TFEB: variants seen among roughly 807,000 people sequenced by gnomAD.
The protein encoded by TFEB is transcription factor EB.
In TFEB, 12 loss-of-function variants were observed where a neutral mutation model predicts 48.0. The ratio of observed to expected loss-of-function variants is 0.25; its 90% CI spans 0.16 to 0.40. TFEB has a LOEUF of 0.40. TFEB is among the 10% of genes least tolerant of loss of function. TFEB has a pLI of 1.00. For synonymous variants in TFEB, 244 were observed against 261.4 expected (o/e 0.93, Z 0.64); for missense variants, 509 against 640.3 (o/e 0.79, Z 2.21).
chr6:41,687,743 C>T lies in TFEB; in HGVS notation c.727+10G>A. 1 of 1,613,992 alleles carries T rather than the reference C, an allele frequency of 6.2e-7. No individual in the cohort carries two copies. The highest frequency in any genetic ancestry group is 8.5e-7 in the Non-Finnish European group (1 of 1,179,958). On this transcript the variant is annotated intron_variant, in intron 6 of 8. Coordinates refer to ENST00000373033, the MANE Select transcript of TFEB (RefSeq NM_001271944.2). Reference sequence around the variant, plus strand: ...GAGGGAGGCAGGGAGAGGGGCGGGGCAGGACTCACTTAAGTTGTGATTGTC... The same window carrying T: ...GAGGGAGGCAGGGAGAGGGGCGGGGTAGGACTCACTTAAGTTGTGATTGTC...
At chr6:41,701,489 T>C (rs1169252250) in intron 1 of TFEB, among the ~76,000 whole-genome samples, 1 of 152,244 alleles carries the variant, frequency 6.6e-6, no homozygotes, top group South Asian at 2.1e-4. Context: ...CAAGGGCTGC[T>C]GGTCCAGTGA....
Position 41,734,082 on chromosome 6 carries a change from A to C in TFEB, c.-23+1268T>G, listed in dbSNP as rs1192920868. ...AGAGGATGGGAGCTGGGCAGTAATT[A>C]ACCTGCACTTCCCCAGCGAGCTCTA... On this transcript the variant is annotated intron_variant, in intron 1 of 8. Coordinates refer to ENST00000373033, the MANE Select transcript of TFEB (RefSeq NM_001271944.2). The surrounding 1 kb of genome is among the most constrained non-coding windows in gnomAD (Gnocchi z 4.0). 5.6e-6 allele frequency: 1 copy of C among 177,376 alleles called. No homozygotes were observed. Among genetic ancestry groups the C allele is most frequent in the Non-Finnish European group, 1.1e-5 (1 of 91,166 alleles). 11.0% of individuals were successfully genotyped at this position (177,376 alleles called of 1,614,324 possible).
chr6:41,689,052 T>G (rs1343341845), intron 4 of TFEB, among the ~76,000 whole-genome samples: 3 of 152,224 alleles, frequency 2.0e-5, no homozygotes, highest in Non-Finnish European at 4.4e-5. Flanking sequence ...TCATCTAATC[T>G]TCCCACAATC....
intron 1 of TFEB, among the ~76,000 whole-genome samples, chr6:41,731,919 G>A (rs1771466728): frequency 6.6e-6 from 1 of 152,256 alleles, no homozygotes; most frequent in South Asian, 2.1e-4. Context: ...GGCCAGTCAA[G>A]ACAGGTTCCA....
intron 6 of TFEB, 103 bp downstream of exon 6, chr6:41,687,650 G>T: frequency 6.8e-7 from 1 of 1,460,712 alleles, no homozygotes; most frequent in Non-Finnish European, 9.5e-7. Flanking sequence ...TTGGCCTTGA[G>T]CAGGGAAGCC....
rs573623654 is a variant in TFEB at position 41,696,796 on chromosome 6, G to A, written c.-22-5561C>T. Among the ~76,000 whole-genome samples, 5 of 152,322 alleles carry A rather than the reference G, an allele frequency of 3.3e-5. No individual in the cohort carries two copies. The East Asian group carries it at 9.6e-4, about 29-fold the overall frequency. ...ATGCACTGTTGTTACACATGACATA[G>A]ATGACTCTCGCAGACATAATGTTAA... On this transcript the variant is annotated intron_variant, in intron 1 of 8. Coordinates refer to ENST00000373033, the MANE Select transcript of TFEB (RefSeq NM_001271944.2).
At position 41,723,510 on chromosome 6, in the gene TFEB, T is replaced by C. The variant is rs1276002675; in HGVS notation, c.-23+11840A>G. On this transcript the variant is annotated intron_variant, in intron 1 of 8. Coordinates refer to ENST00000373033, the MANE Select transcript of TFEB (RefSeq NM_001271944.2). The surrounding 1 kb of genome is among the most constrained non-coding windows in gnomAD (Gnocchi z 6.0). ...GGAGGCCCCTGGAATGCTCAGCTCC[T>C]CCAGGGGCCGGAGCCCAGGGCCGCA... 22 of 1,288,626 alleles carry C rather than the reference T, an allele frequency of 1.7e-5. No homozygotes were observed. The Admixed American group carries it at 4.6e-4, about 27-fold the overall frequency. The allele number at this position is 1,288,626 out of a possible 1,614,324, so 79.8% of individuals were successfully genotyped here. A position where few individuals can be genotyped will look rare whatever the true frequency, so the allele number is the denominator to read the frequency against.
Position 41,707,857 on chromosome 6 carries a change from G to A in TFEB, c.-22-16622C>T, listed in dbSNP as rs186813632. The stretch of plus-strand genomic sequence containing the variant: ...GGCTCAGTTCCCGGCTGACTAAAAG[G>A]CAGCCACGTGGCGGCCATGGGGCTA... On this transcript the variant is annotated intron_variant, in intron 1 of 8. Coordinates refer to ENST00000373033, the MANE Select transcript of TFEB (RefSeq NM_001271944.2). Among the ~76,000 whole-genome samples the A allele has an allele frequency of 3.9e-4, 59 of 152,370 alleles. No individual in the cohort carries two copies. In the Middle Eastern group the frequency reaches 0.01, roughly 26 times the overall value.
intron 1 of TFEB, among the ~76,000 whole-genome samples, chr6:41,714,049 G>A (rs2057068): frequency 0.43 from 65,711 of 152,114 alleles, 15,549 homozygotes; most frequent in African/African-American, 0.63. Context: ...TGGTCAGAGG[G>A]CAAGGACCTT....
At position 41,690,705 on chromosome 6, in the gene TFEB, G is replaced by A. The variant is rs1769255789; in HGVS notation, c.426C>T (p.Ser142=). The A allele has an allele frequency of 3.2e-6, 5 of 1,572,674 alleles. No homozygotes were observed. The highest frequency in any genetic ancestry group is 4.3e-6 in the Non-Finnish European group (5 of 1,154,670). ...AGCCAATGTGCAGCATGGCCATGGGGCTATTGGGAGCACTGTTGCCAGCGG... is the reference window on the plus strand; with the variant it reads ...AGCCAATGTGCAGCATGGCCATGGGACTATTGGGAGCACTGTTGCCAGCGG... ...SSSAGNSAPN[S]PMAMLHIGSN... Residue 142 remains serine (S), a synonymous_variant, in exon 3 of 9, where the codon AGC becomes AGT. Transcript: ENST00000373033.
Position 41,687,990 on chromosome 6 carries a change from G to A in TFEB, c.588C>T (p.Ser196=), listed in dbSNP as rs772750263. 1.6e-5 allele frequency: 26 copies of A among 1,613,702 alleles called. No homozygotes were observed. The highest frequency in any genetic ancestry group is 1.2e-4 in the Admixed American group (7 of 60,008). Residue 196 remains serine (S), a synonymous_variant, in exon 5 of 9, where the codon AGC becomes AGT. Coordinates refer to ENST00000373033, the MANE Select transcript of TFEB (RefSeq NM_001271944.2). The part of the protein sequence containing the change: ...LSSSHLNVYS[S]DPQVTASLVG... ...CCAGGGAGGCTGTGACCTGGGGGTC[G>A]CTGCTGTACACATTCAGGTGGCTGC...
At chr6:41,722,712 A>G (rs975116067) in intron 1 of TFEB, among the ~76,000 whole-genome samples, 1 of 152,232 alleles carries the variant, frequency 6.6e-6, no homozygotes, top group African/African-American at 2.4e-5. Context: ...AGCTCTTACT[A>G]TCAATCTCAG....
Position 41,691,054 on chromosome 6 carries a change from T to G in TFEB, c.160A>C (p.Asn54His). Residue 54 changes from asparagine (N) to histidine (H), a missense_variant, in exon 2 of 9, where the codon AAT becomes CAT. Asn to His is a moderately conservative substitution (Grantham distance 68). This residue lies in a region of TFEB where 251 missense variants were observed against 317.2 expected (regional missense o/e 0.79). Coordinates refer to ENST00000373033, the MANE Select transcript of TFEB (RefSeq NM_001271944.2). The surrounding 1 kb of genome is among the most constrained non-coding windows in gnomAD (Gnocchi z 5.2). The stretch of plus-strand genomic sequence containing the variant: ...GGCGACTGGAAGTGGACGGGGGTAT[T>G]GATGGCCGGGGTGGGCGGCCCTCCG... Reference protein sequence around the residue: ...QLGGPPTPAINTPVHFQSPPP... With the variant: ...QLGGPPTPAIHTPVHFQSPPP... 6.4e-7 allele frequency: 1 copy of G among 1,572,932 alleles called. No homozygotes were observed. Among genetic ancestry groups the G allele is most frequent in the South Asian group, 1.2e-5 (1 of 86,792 alleles).
At chr6:41,735,049 G>GCCCGCCCGGCCCCT (rs1771621139) in intron 1 of TFEB, 1 of 985,150 alleles carries the variant, frequency 1.0e-6, no homozygotes, top group Non-Finnish European at 1.2e-6. Context: ...GAAGGCCCAT[G>GCCCGCCCGGCCCCT]CCCGCCCGGC....
chr6:41,691,007 C>A lies in TFEB; in HGVS notation c.207G>T (p.Val69=). ...FQSPPPVPGE[V]LKVQSYLENP... is the part of the protein sequence containing the mutation. ...AGGCCAGAACAGGCCCTACCTTCAA[C>A]ACCTCCCCAGGCACAGGTGGTGGCG... Residue 69 remains valine (V), a synonymous_variant, in exon 2 of 9, where the codon GTG becomes GTT. Coordinates refer to ENST00000373033, the MANE Select transcript of TFEB (RefSeq NM_001271944.2). The surrounding 1 kb of genome is among the most constrained non-coding windows in gnomAD (Gnocchi z 5.2). 1.3e-6 allele frequency: 2 copies of A among 1,575,076 alleles called. No homozygotes were observed. Among genetic ancestry groups the A allele is most frequent in the Non-Finnish European group, 1.7e-6 (2 of 1,158,076 alleles).
chr6:41,699,922 A>G (rs551407844), intron 1 of TFEB, among the ~76,000 whole-genome samples: 1 of 152,314 alleles, frequency 6.6e-6, no homozygotes, highest in East Asian at 1.9e-4. Context: ...CAGCTCAATG[A>G]ATTTTTACAG....
chr6:41,690,956 G>C (rs774577716), intron 2 of TFEB, 39 bp from the exon 3 acceptor site: 6 of 1,567,222 alleles, frequency 3.8e-6, no homozygotes, highest in Non-Finnish European at 5.2e-6. Flanking sequence ...GGGGAGGCTG[G>C]GACTAGTGGG....
intron 8 of TFEB, 57 bp downstream of exon 8, chr6:41,686,033 G>A: frequency 1.2e-6 from 2 of 1,608,888 alleles, no homozygotes; most frequent in Non-Finnish European, 1.7e-6. Context: ...GCCCCTTAGG[G>A]CCAGGAGCCA....
chr6:41,736,128 C>A, upstream of TFEB: 6 of 1,612,894 alleles, frequency 3.7e-6, no homozygotes, highest in Non-Finnish European at 5.1e-6. Flanking sequence ...ATGGGTTCTA[C>A]ATTCACGCCC....
Sources: gnomAD v4.1 joint callset for allele counts (sites outside exome capture counted in the v4.1 genomes callset) on GRCh38, gnomAD v4.1.1 for gene constraint, gnomAD v4.1.1 regional missense constraint, Gnocchi (gnomAD v3.1) non-coding constraint, MANE v1.5 for transcripts, NCBI Gene and HGNC (gene_info 2026-07-23, HGNC 2026-07-21) for gene names.